The following PLEKHM3 variants were observed in gnomAD, a reference collection of about 807,000 sequenced individuals.
The protein encoded by PLEKHM3 is pleckstrin homology domain-containing family M member 3.
PLEKHM3 carries 45 observed loss-of-function variants against 81.8 expected under a neutral mutation model. That is an observed-to-expected ratio of 0.55 (90% CI 0.43 to 0.71). The LOEUF is 0.71. PLEKHM3 is among the 30% of genes least tolerant of loss of function. The pLI is 0.00. For synonymous variants in PLEKHM3, 352 were observed against 356.4 expected, an observed-to-expected ratio of 0.99 and a Z score of 0.14; for missense variants, 788 against 924.3, an observed-to-expected ratio of 0.85 and a Z score of 1.91.
intron 1 of PLEKHM3, among the ~76,000 whole-genome samples, chr2:208,012,409 G>T (rs1692733577): frequency 6.6e-6 from 1 of 152,202 alleles, no homozygotes; most frequent in African/African-American, 2.4e-5. Flanking sequence ...GTCAATTGTA[G>T]TTCCCAAAGA....
Position 207,977,515 on chromosome 2 carries a change from A to T in PLEKHM3, c.682T>A (p.Trp228Arg). Residue 228 changes from tryptophan to arginine, a missense_variant, in exon 3 of 8, where the codon TGG becomes AGG. Coordinates refer to ENST00000427836, the MANE Select transcript of PLEKHM3 (RefSeq NM_001080475.3). ...LEIRKDHDSY[W>R]QSCYAELSPY... Reference sequence around the variant, plus strand: ...GAAAGTTCTGCATAACAGCTTTGCCAGTAACTGTCATGGTCCTTTCTAATC... The same window carrying T: ...GAAAGTTCTGCATAACAGCTTTGCCTGTAACTGTCATGGTCCTTTCTAATC... 1 of 1,614,214 alleles carries T rather than the reference A, an allele frequency of 6.2e-7. No homozygotes were observed. The highest frequency in any genetic ancestry group is 8.5e-7 in the Non-Finnish European group (1 of 1,180,010).
At chr2:207,979,476 G>A (rs1691447079) in intron 2 of PLEKHM3, among the ~76,000 whole-genome samples, 2 of 151,818 alleles carry the variant, frequency 1.3e-5, no homozygotes, top group Non-Finnish European at 2.9e-5. Flanking sequence ...GGAAGTTGCA[G>A]TGAGCTGAGA....
intron 6 of PLEKHM3, among the ~76,000 whole-genome samples, chr2:207,902,030 G>A (rs1360915376): frequency 6.6e-6 from 1 of 152,162 alleles, no homozygotes; most frequent in African/African-American, 2.4e-5. Context: ...TGCCTGGGTG[G>A]ACAATGGTGT....
chr2:207,999,043 A>G (rs1553564587), intron 2 of PLEKHM3, among the ~76,000 whole-genome samples: 3 of 151,764 alleles, frequency 2.0e-5, no homozygotes, highest in Non-Finnish European at 4.4e-5. Flanking sequence ...GCTGGAATGC[A>G]GTGGCACAGT....
intron 7 of PLEKHM3, among the ~76,000 whole-genome samples, chr2:207,829,672 G>C (rs1459341729): frequency 2.0e-5 from 3 of 152,150 alleles, no homozygotes; most frequent in African/African-American, 4.8e-5. Context: ...CCTTCCACGA[G>C]GGTAACAGGC....
chr2:207,948,128 A>G (rs1302980390), intron 3 of PLEKHM3, among the ~76,000 whole-genome samples: 1 of 152,174 alleles, frequency 6.6e-6, no homozygotes, highest in Admixed American at 6.5e-5. Context: ...TGGCTAAGGA[A>G]TGAGAAATGT....
intron 5 of PLEKHM3, among the ~76,000 whole-genome samples, chr2:207,908,944 C>G (rs772390472): frequency 1.3e-5 from 2 of 152,216 alleles, no homozygotes; most frequent in Non-Finnish European, 2.9e-5. Context: ...AGCTTCTTCA[C>G]AGCAGAATGA....
intron 2 of PLEKHM3, among the ~76,000 whole-genome samples, chr2:207,986,918 A>T (rs1691744571): frequency 6.7e-6 from 1 of 148,788 alleles, no homozygotes; most frequent in South Asian, 2.1e-4. Context: ...GGGCTCAAGC[A>T]ATCCTATTGC....
In PLEKHM3 at chr2:207,976,978, C is replaced by T. The variant is rs770640067; in HGVS notation, c.1219G>A (p.Val407Met). The change falls in exon 3 of 8, where the codon GTG becomes ATG. Residue 407 changes from valine to methionine, a missense_variant. Coordinates refer to ENST00000427836, the MANE Select transcript of PLEKHM3 (RefSeq NM_001080475.3). This position sits in a 1 kb window ranked among gnomAD's most constrained non-coding sequence, Gnocchi z 4.1. ...ATCTGGACAGCCAGACACACGTCCACGTTGTAGCTCAACAGTGGATCCTCG... is the reference window on the plus strand; with the variant it reads ...ATCTGGACAGCCAGACACACGTCCATGTTGTAGCTCAACAGTGGATCCTCG... ...LDEDPLLSYN[V>M]DVCLAVQMDN... 14 of 1,614,076 alleles carry T rather than the reference C, an allele frequency of 8.7e-6. No homozygotes were observed. The highest frequency in any genetic ancestry group is 1.1e-5 in the South Asian group (1 of 91,086).
At chr2:207,905,377 A>G (rs1173970474) in intron 6 of PLEKHM3, among the ~76,000 whole-genome samples, 15 of 152,254 alleles carry the variant, frequency 9.9e-5, no homozygotes, top group Admixed American at 9.8e-4. Context: ...AAGAGGCCAA[A>G]AAGGCCCAGG....
At chr2:207,951,486 T>G (rs1276633395) in intron 3 of PLEKHM3, among the ~76,000 whole-genome samples, 2 of 152,204 alleles carry the variant, frequency 1.3e-5, no homozygotes, top group African/African-American at 4.8e-5. Flanking sequence ...TGTATTCAAT[T>G]CATAGGAACA....
At chr2:208,023,963 C>T (rs533367146) in intron 1 of PLEKHM3, among the ~76,000 whole-genome samples, 274 of 151,874 alleles carry the variant, frequency 1.8e-3, no homozygotes, top group Non-Finnish European at 2.9e-3. Context: ...GGCAACATGG[C>T]GAAACCCTGT....
chr2:207,880,932 G>A (rs1247613928), intron 6 of PLEKHM3, among the ~76,000 whole-genome samples: 1 of 151,106 alleles, frequency 6.6e-6, no homozygotes, highest in East Asian at 1.9e-4. Context: ...ATGCTCCAGT[G>A]ATATGGAGAA....
At chr2:207,942,721 A>T (rs1396863779) in intron 4 of PLEKHM3, among the ~76,000 whole-genome samples, 1 of 152,166 alleles carries the variant, frequency 6.6e-6, no homozygotes, top group Admixed American at 6.5e-5. Context: ...CAACATGGTG[A>T]AACCCCGTCT....
intron 1 of PLEKHM3, among the ~76,000 whole-genome samples, chr2:208,005,937 T>G (rs1301004616): frequency 6.6e-6 from 1 of 152,206 alleles, no homozygotes; most frequent in African/African-American, 2.4e-5. Context: ...CTTGTTGTTT[T>G]ACTCCTCCAT....
At chr2:207,975,154 G>A (rs1691263376) in intron 3 of PLEKHM3, among the ~76,000 whole-genome samples, 1 of 150,362 alleles carries the variant, frequency 6.7e-6, no homozygotes, top group Middle Eastern at 3.4e-3. Flanking sequence ...CTGGCTCAGT[G>A]TTTCTGGTCT....
At chr2:208,004,275 C>T (rs554768188) in intron 1 of PLEKHM3, among the ~76,000 whole-genome samples, 1 of 152,104 alleles carries the variant, frequency 6.6e-6, no homozygotes, top group South Asian at 2.1e-4. Flanking sequence ...ATGAGCCAGT[C>T]ATGATGGTGT....
chr2:207,918,914 C>T (rs1689090664), intron 5 of PLEKHM3, among the ~76,000 whole-genome samples: 1 of 152,118 alleles, frequency 6.6e-6, no homozygotes, highest in Non-Finnish European at 1.5e-5. Flanking sequence ...ACATTCACAC[C>T]TGATGGCCTA....
chr2:207,865,402 A>C (rs546457325), intron 6 of PLEKHM3, among the ~76,000 whole-genome samples: 53 of 152,220 alleles, frequency 3.5e-4, no homozygotes, highest in African/African-American at 1.2e-3. Context: ...GCATTCCACT[A>C]ACCCTCTGAA....
Sources: allele counts gnomAD v4.1 joint callset (sites outside exome capture counted in the v4.1 genomes callset), GRCh38; gene constraint gnomAD v4.1.1; non-coding constraint Gnocchi (gnomAD v3.1); transcripts MANE v1.5; gene names NCBI Gene and HGNC (gene_info 2026-07-23, HGNC 2026-07-21).